The following DENND1A variants were observed in gnomAD, a reference collection of about 807,000 sequenced individuals.
DENND1A encodes the protein DENN domain-containing protein 1A.
DENND1A carries 51 observed loss-of-function variants against 113.7 expected under a neutral mutation model. The ratio of observed to expected loss-of-function variants is 0.45; its 90% CI spans 0.36 to 0.57. The LOEUF (loss-of-function observed/expected upper bound fraction) is 0.57. Ranked by LOEUF, DENND1A falls within the 20% of genes least tolerant of loss-of-function variation. The probability of loss-of-function intolerance (pLI) is 0.00; values close to 1 mark genes in which losing one functional copy is unlikely to be tolerated. For synonymous variants in DENND1A, 565 were observed against 570.8 expected (o/e 0.99, Z 0.14); for missense variants, 1,258 against 1,395.9 (o/e 0.90, Z 1.57).
intron 13 of DENND1A, among the ~76,000 whole-genome samples, chr9:123,529,394 TAG>T (rs879874247): frequency 2.6e-5 from 4 of 152,198 alleles, no homozygotes; most frequent in Non-Finnish European, 4.4e-5. Flanking sequence ...ATAACAACAA[TAG>T]ACTTTTTTTA....
In DENND1A at chr9:123,764,348, C is replaced by A. The variant is rs2131540916; in HGVS notation, c.182+5166G>T. 6.6e-6 allele frequency among the ~76,000 whole-genome samples: 1 copy of A among 152,332 alleles called. No individual in the cohort carries two copies. The highest frequency in any genetic ancestry group is 2.4e-5 in the African/African-American group (1 of 41,574). ...ACCGACAATTATCTGTTGTCCATGG[C>A]AGGGCACCTAACAGACACTTTTCCT... On this transcript the variant is annotated intron_variant, in intron 4 of 23. Transcript: ENST00000394215. This position sits in a 1 kb window ranked among gnomAD's most constrained non-coding sequence, Gnocchi z 4.1.
chr9:123,542,162 G>A (rs1185488656), intron 13 of DENND1A, among the ~76,000 whole-genome samples: 1 of 152,164 alleles, frequency 6.6e-6, no homozygotes, highest in Non-Finnish European at 1.5e-5. Context: ...TGACATTCCT[G>A]TTAGCTCCAG....
chr9:123,388,792 C>G (rs996636204), intron 21 of DENND1A, among the ~76,000 whole-genome samples: 6 of 152,234 alleles, frequency 3.9e-5, no homozygotes, highest in African/African-American at 1.4e-4. Context: ...CTGGACCAGG[C>G]AGATCTGGGT....
intron 12 of DENND1A, among the ~76,000 whole-genome samples, chr9:123,560,882 C>G (rs2057713535): frequency 6.6e-6 from 1 of 152,018 alleles, no homozygotes; most frequent in Non-Finnish European, 1.5e-5. Flanking sequence ...AGCCCCAGCC[C>G]CACAGTGATG....
At chr9:123,765,792 A>G (rs1270265828) in intron 4 of DENND1A, among the ~76,000 whole-genome samples, 1 of 152,136 alleles carries the variant, frequency 6.6e-6, no homozygotes, top group Non-Finnish European at 1.5e-5. Context: ...TTTGAGATTG[A>G]TACAGGAATC....
Position 123,517,623 on chromosome 9 carries a change from A to C in DENND1A, c.993+39947T>G, listed in dbSNP as rs549562668. On this transcript the variant is annotated intron_variant, in intron 13 of 23. Coordinates refer to ENST00000394215, the MANE Select transcript of DENND1A (RefSeq NM_001352964.2). ...AACAGAGCAAGACCCTGTCTCAAAA[A>C]AACAACAGCAAAACAAAACAAAACA... Among the ~76,000 whole-genome samples the C allele has an allele frequency of 2.0e-5, 3 of 152,280 alleles. No homozygotes were observed. In the East Asian group the frequency reaches 5.8e-4, roughly 29 times the overall value.
intron 19 of DENND1A, among the ~76,000 whole-genome samples, chr9:123,434,706 CA>C (rs1313694694): frequency 6.6e-5 from 10 of 152,118 alleles, no homozygotes; most frequent in African/African-American, 2.4e-4. Flanking sequence ...GAGAATTTAC[CA>C]GGAGGCCTGC....
chr9:123,402,021 T>A, intron 21 of DENND1A: 1 of 1,455,182 alleles, frequency 6.9e-7, no homozygotes, highest in East Asian at 2.3e-5. Context: ...AAGAGGGGAC[T>A]TCAAAGAAAT....
At chr9:123,512,868 G>A (rs1415407468) in intron 13 of DENND1A, among the ~76,000 whole-genome samples, 3 of 152,132 alleles carry the variant, frequency 2.0e-5, no homozygotes, top group East Asian at 1.9e-4. Context: ...ATAATAATAC[G>A]TGCCCTTAAG....
chr9:123,659,482 A>T (rs370665298), intron 8 of DENND1A, among the ~76,000 whole-genome samples: 112 of 152,336 alleles, frequency 7.4e-4, no homozygotes, highest in African/African-American at 2.6e-3. Context: ...CTCCAAGAAT[A>T]ATGTTCTTCA....
chr9:123,754,756 A>G (rs1274363597), intron 5 of DENND1A, among the ~76,000 whole-genome samples: 1 of 152,184 alleles, frequency 6.6e-6, no homozygotes, highest in Non-Finnish European at 1.5e-5. Flanking sequence ...AATTGCTGCC[A>G]TTTTTCATTC....
At position 123,457,776 on chromosome 9, in the gene DENND1A, A is replaced by C; in HGVS notation, c.1098+17T>G. 1.3e-6 allele frequency: 2 copies of C among 1,596,694 alleles called. No individual in the cohort carries two copies. Among genetic ancestry groups the C allele is most frequent in the Non-Finnish European group, 8.5e-7 (1 of 1,171,224 alleles). On this transcript the variant is annotated intron_variant, in intron 14 of 23. Transcript: ENST00000394215. ...CGCCAGGGAGCCAGACCCAGGCCAG[A>C]CCAGGGAGGGAGGCACCTGCTTGAA...
intron 21 of DENND1A, among the ~76,000 whole-genome samples, chr9:123,393,485 C>A (rs1043526695): frequency 1.3e-5 from 2 of 151,752 alleles, no homozygotes; most frequent in African/African-American, 4.8e-5. Flanking sequence ...TTGCTTCAGC[C>A]CAGGAGTTCC....
chr9:123,681,581 A>G (rs958115984), intron 5 of DENND1A, among the ~76,000 whole-genome samples: 2 of 152,202 alleles, frequency 1.3e-5, no homozygotes, highest in Non-Finnish European at 2.9e-5. Context: ...TTACTATCAG[A>G]AGAGAGTTAC....
At chr9:123,524,866 C>T (rs76652290) in intron 13 of DENND1A, among the ~76,000 whole-genome samples, 4,697 of 152,308 alleles carry the variant, frequency 0.031, 257 homozygotes, top group African/African-American at 0.11. Flanking sequence ...CAAACGCCTA[C>T]CTCCGACTTA....
intron 5 of DENND1A, among the ~76,000 whole-genome samples, chr9:123,701,234 A>C (rs1438559065): frequency 6.6e-6 from 1 of 152,232 alleles, no homozygotes; most frequent in Admixed American, 6.5e-5. Context: ...GATTATCCCC[A>C]CACAGAAACA....
intron 5 of DENND1A, 72 bp downstream of exon 5, chr9:123,757,631 A>G (rs1278515200): frequency 1.1e-5 from 18 of 1,573,010 alleles, no homozygotes; most frequent in Non-Finnish European, 1.6e-5. Context: ...GGAAGATTTA[A>G]TTACGGAAGA....
chr9:123,867,744 C>T (rs1845984098), intron 2 of DENND1A, among the ~76,000 whole-genome samples: 1 of 152,144 alleles, frequency 6.6e-6, no homozygotes, highest in Non-Finnish European at 1.5e-5. Flanking sequence ...CCCCAACACA[C>T]TCCCTTATCC....
chr9:123,678,706 A>T (rs879782358), intron 5 of DENND1A, among the ~76,000 whole-genome samples: 1 of 152,258 alleles, frequency 6.6e-6, no homozygotes, highest in Admixed American at 6.5e-5. Flanking sequence ...TAAGTAGCTT[A>T]TCAAAATATA....
Sources: gnomAD v4.1 joint callset for allele counts (sites outside exome capture counted in the v4.1 genomes callset) on GRCh38, gnomAD v4.1.1 for gene constraint, Gnocchi (gnomAD v3.1) non-coding constraint, MANE v1.5 for transcripts, NCBI Gene and HGNC (gene_info 2026-07-23, HGNC 2026-07-21) for gene names.